KIF15: variants seen among roughly 807,000 people sequenced by gnomAD.
The protein encoded by KIF15 is kinesin-like protein KIF15.
KIF15 carries 140 observed loss-of-function variants against 190.6 expected under a neutral mutation model. The ratio of observed to expected loss-of-function variants is 0.73; its 90% confidence interval spans 0.64 to 0.84. The LOEUF (loss-of-function observed/expected upper bound fraction) is 0.84, where lower values mean the gene tolerates loss of function less well. Among genes scored for constraint, KIF15 ranks in the 40% least tolerant of loss-of-function variants. The pLI is 0.00. For missense variants in KIF15, 1,372 were observed against 1,584.4 expected, an observed-to-expected ratio of 0.87 and a Z score of 2.28; for synonymous variants, 528 against 551.3, an observed-to-expected ratio of 0.96 and a Z score of 0.59.
At chr3:44,859,534 C>G (rs1699218553) in intron 6 of KIF15, among the ~76,000 whole-genome samples, 1 of 152,152 alleles carries the variant, frequency 6.6e-6, no homozygotes, top group African/African-American at 2.4e-5. Context: ...GCATGATGCA[C>G]CCATAGTCCC....
intron 20 of KIF15, among the ~76,000 whole-genome samples, chr3:44,824,538 TA>T (rs1697538564): frequency 6.6e-6 from 1 of 152,348 alleles, no homozygotes; most frequent in South Asian, 2.1e-4. Context: ...TGCCTTCTCT[TA>T]CCCTTAGCAT....
At chr3:44,865,425 G>A (rs1055059015) in intron 6 of KIF15, 6 of 494,578 alleles carry the variant, frequency 1.2e-5, no homozygotes, top group Non-Finnish European at 7.2e-6. Flanking sequence ...GCCTACCCCA[G>A]TGAGCCTTCG....
chr3:44,805,918 G>A lies in KIF15; in HGVS notation c.1903G>A (p.Glu635Lys), dbSNP rs1005517209. Residue 635 changes from glutamate to lysine, a missense_variant, in exon 16 of 35, where the codon GAA becomes AAA. Coordinates refer to ENST00000326047, the MANE Select transcript of KIF15 (RefSeq NM_020242.3). ...GAACCTTAATCTTGAAAACCTTTTG[G>A]AAGCAACAAAAGCCTGCAAGCGGCA... ...KANLNLENLL[E>K]ATKACKRQEV... is the part of the protein sequence containing the mutation. The A allele has an allele frequency of 1.1e-5, 18 of 1,614,018 alleles. No individual in the cohort carries two copies. In the Admixed American group the frequency reaches 2.5e-4, roughly 22 times the overall value.
intron 20 of KIF15, among the ~76,000 whole-genome samples, chr3:44,816,168 C>G (rs1708022897): frequency 6.6e-6 from 1 of 152,090 alleles, no homozygotes; most frequent in Non-Finnish European, 1.5e-5. Context: ...ATATCTCTAT[C>G]TCACTGAATG....
rs776413056 is a variant in KIF15 at position 44,806,002 on chromosome 3, A to C, written c.1971+16A>C. On this transcript the variant is annotated intron_variant, in intron 16 of 34. Transcript: ENST00000326047. ...AACACTTAAGGTAGGTCATCTGAAC[A>C]ATACCTCCACCTTAAATCAGTGCAA... The C allele has an allele frequency of 1.9e-6, 3 of 1,611,540 alleles. No homozygotes were observed. The highest frequency in any genetic ancestry group is 2.5e-6 in the Non-Finnish European group (3 of 1,179,034).
At chr3:44,794,500 A>G in intron 8 of KIF15, 74 bp downstream of exon 8, 1 of 1,099,700 alleles carries the variant, frequency 9.1e-7, no homozygotes, top group Non-Finnish European at 1.3e-6. Context: ...GATGCATGAC[A>G]GTGTCTCAGT....
chr3:44,794,533 TG>T, intron 8 of KIF15, 107 bp downstream of exon 8: 2 of 794,696 alleles, frequency 2.5e-6, no homozygotes, highest in Non-Finnish European at 4.0e-6. Context: ...GCATTTATGA[TG>T]GGGGTCCCTT....
chr3:44,820,023 C>G (rs1708192051), intron 20 of KIF15, among the ~76,000 whole-genome samples: 1 of 152,058 alleles, frequency 6.6e-6, no homozygotes, highest in Non-Finnish European at 1.5e-5. Context: ...CTCTTTTGAT[C>G]TTTGTTGGTT....
At chr3:44,823,561 T>C (rs148213733) in intron 20 of KIF15, among the ~76,000 whole-genome samples, 2,834 of 152,266 alleles carry the variant, frequency 0.019, 74 homozygotes, top group African/African-American at 0.063. Flanking sequence ...CAGACAGGGA[T>C]GTTTAAGTCT....
intron 14 of KIF15, among the ~76,000 whole-genome samples, chr3:44,803,536 A>C (rs532435378): frequency 2.6e-5 from 4 of 152,288 alleles, no homozygotes; most frequent in Admixed American, 2.0e-4. Context: ...GTTAATACTA[A>C]ATCTGCCTTA....
Position 44,778,126 on chromosome 3 carries a change from C to A in KIF15, c.258C>A (p.Phe86Leu). ...GGTTACATTTGTAGGAATCTGTATT[C>A]GCAACTGTGGCTAAAAGCATTGTGG... ...ADVDTTQESV[F>L]ATVAKSIVES... Residue 86 changes from phenylalanine (F) to leucine (L), a missense_variant, in exon 4 of 35, where the codon TTC becomes TTA. Physicochemically the swap from Phe to Leu is conservative, Grantham distance 22. Coordinates refer to ENST00000326047, the MANE Select transcript of KIF15 (RefSeq NM_020242.3). The A allele has an allele frequency of 6.2e-7, 1 of 1,612,980 alleles. No homozygotes were observed. The highest frequency in any genetic ancestry group is 1.3e-5 in the African/African-American group (1 of 74,994).
Position 44,843,202 on chromosome 3 carries a change from G to A in KIF15, c.3663G>A (p.Gln1221=). 1 of 1,613,378 alleles carries A rather than the reference G, an allele frequency of 6.2e-7. No individual in the cohort carries two copies. Residue 1221 remains glutamine (Q), a synonymous_variant, in exon 30 of 35, where the codon CAG becomes CAA. Coordinates refer to ENST00000326047, the MANE Select transcript of KIF15 (RefSeq NM_020242.3). ...AGAAAAACTGGCTCCTGCAAGGTCA[G>A]CTGGATGATATTAAAAGACAAAAGG... ...LIEKNWLLQG[Q]LDDIKRQKEN...
chr3:44,829,409 T>G (rs1313814333), intron 24 of KIF15, among the ~76,000 whole-genome samples: 1 of 141,796 alleles, frequency 7.1e-6, no homozygotes, highest in African/African-American at 2.6e-5. Context: ...TATGTATATA[T>G]ATTACATATG....
At chr3:44,800,255 A>G in intron 10 of KIF15, 59 bp from the exon 11 acceptor site, 2 of 1,508,744 alleles carry the variant, frequency 1.3e-6, no homozygotes, top group Middle Eastern at 3.5e-4. Flanking sequence ...AAATGTAAAC[A>G]CAGGACTATA....
downstream of KIF15, among the ~76,000 whole-genome samples, chr3:44,857,509 T>C (rs557151488): frequency 6.6e-6 from 1 of 152,302 alleles, no homozygotes; most frequent in South Asian, 2.1e-4. Context: ...GCACTTTGGC[T>C]GTGTGTAATG....
intron 11 of KIF15, 35 bp downstream of exon 11, chr3:44,800,472 G>C (rs901884711): frequency 6.3e-7 from 1 of 1,598,762 alleles, no homozygotes; most frequent in Non-Finnish European, 8.5e-7. Flanking sequence ...TCTTGGGGAA[G>C]ACTGTACAAA....
intron 3 of KIF15, 140 bp downstream of exon 3, chr3:44,775,577 T>C: frequency 1.7e-6 from 1 of 592,920 alleles, no homozygotes; most frequent in South Asian, 2.3e-5. Flanking sequence ...TGCCTCAGCC[T>C]CCCGAGTAGC....
intron 10 of KIF15, chr3:44,799,221 A>G (rs541752215): frequency 6.6e-6 from 3 of 456,570 alleles, no homozygotes; most frequent in African/African-American, 2.0e-5. Flanking sequence ...TAAGAATCAG[A>G]AGCAACTGGA....
chr3:44,851,041 T>C (rs1441218794), intron 32 of KIF15, among the ~76,000 whole-genome samples: 1 of 152,136 alleles, frequency 6.6e-6, no homozygotes, highest in African/African-American at 2.4e-5. Context: ...GAGAAGAGGA[T>C]TGCTTGAGGC....
Sources: allele counts gnomAD v4.1 joint callset (sites outside exome capture counted in the v4.1 genomes callset), GRCh38; gene constraint gnomAD v4.1.1; transcripts MANE v1.5; gene names NCBI Gene and HGNC (gene_info 2026-07-23, HGNC 2026-07-21).